The following DAP variants were observed in gnomAD, a reference collection of about 807,000 sequenced individuals.
DAP encodes the protein death associated protein.
A neutral mutation model predicts 13.8 loss-of-function variants in DAP; 8 were observed. That is an observed-to-expected ratio of 0.58 (90% CI 0.34 to 1.05). The LOEUF is 1.05. Ranked by LOEUF, DAP falls within the 50% of genes least tolerant of loss-of-function variation. The pLI is 0.03. For missense variants in DAP, 106 were observed against 133.2 expected, an observed-to-expected ratio of 0.80 and a Z score of 1.01; for synonymous variants, 47 against 47.5, an observed-to-expected ratio of 0.99 and a Z score of 0.04.
intron 2 of DAP, among the ~76,000 whole-genome samples, chr5:10,705,464 G>A (rs1211351338): frequency 6.6e-6 from 1 of 152,246 alleles, no homozygotes; most frequent in African/African-American, 2.4e-5. Context: ...CTGTGTGGCA[G>A]AAGCCTGGGC....
chr5:10,687,262 T>G (rs1024742909), intron 2 of DAP, among the ~76,000 whole-genome samples: 8 of 152,254 alleles, frequency 5.3e-5, no homozygotes, highest in Non-Finnish European at 1.0e-4. Context: ...TAAAACAACA[T>G]TCATTCTGCA....
chr5:10,686,664 GAAGAA>G lies in DAP; in HGVS notation c.153-3098_153-3094del, dbSNP rs906458158. On this transcript the variant is annotated intron_variant, in intron 2 of 3. Transcript: ENST00000230895. ...GGCTAAGAGAGGTGAGGAAGCTGCA[GAAGAA>G]AAGATGGAAACTAGCAGAGGTTGGT... Among the ~76,000 whole-genome samples the G allele has an allele frequency of 2.2e-4, 33 of 152,336 alleles. No individual in the cohort carries two copies. The East Asian group carries it at 6.0e-3, about 28-fold the overall frequency.
chr5:10,705,736 A>G (rs914573026), intron 2 of DAP, among the ~76,000 whole-genome samples: 1 of 152,196 alleles, frequency 6.6e-6, no homozygotes, highest in Non-Finnish European at 1.5e-5. Context: ...GCAGATTTAA[A>G]TGTAAGGTGC....
chr5:10,722,638 A>G (rs934338597), intron 2 of DAP, among the ~76,000 whole-genome samples: 1 of 144,246 alleles, frequency 6.9e-6, no homozygotes, highest in East Asian at 1.9e-4. Flanking sequence ...ATATATATAC[A>G]TATATATATA....
At chr5:10,686,161 TAATC>T (rs753908386) in intron 2 of DAP, among the ~76,000 whole-genome samples, 46 of 152,370 alleles carry the variant, frequency 3.0e-4, no homozygotes, top group South Asian at 2.7e-3. Context: ...ATGGTAAACT[TAATC>T]AATACTTGTC....
chr5:10,697,659 G>A (rs922214257), intron 2 of DAP, among the ~76,000 whole-genome samples: 2 of 152,100 alleles, frequency 1.3e-5, no homozygotes, highest in Non-Finnish European at 2.9e-5. Context: ...AACTATGGTG[G>A]CTCTAAAAAG....
intron 2 of DAP, among the ~76,000 whole-genome samples, chr5:10,740,568 A>G (rs1579816272): frequency 2.0e-5 from 3 of 152,366 alleles, no homozygotes; most frequent in Admixed American, 2.0e-4. Context: ...ACATACAGAG[A>G]AAAATGACAA....
intron 2 of DAP, among the ~76,000 whole-genome samples, chr5:10,685,340 C>T (rs2126634815): frequency 1.2e-5 from 1 of 83,644 alleles, no homozygotes; most frequent in South Asian, 5.3e-4. Flanking sequence ...TGAGTAAGCT[C>T]AGCTCAAGTT....
intron 2 of DAP, among the ~76,000 whole-genome samples, chr5:10,693,791 T>C (rs62337570): frequency 0.048 from 7,306 of 152,288 alleles, 225 homozygotes; most frequent in South Asian, 0.08. Flanking sequence ...GAGGGTCCTT[T>C]ATTCAACCAG....
At chr5:10,732,922 G>C (rs1200148072) in intron 2 of DAP, among the ~76,000 whole-genome samples, 1 of 152,138 alleles carries the variant, frequency 6.6e-6, no homozygotes, top group African/African-American at 2.4e-5. Context: ...TTGCAAATCT[G>C]ATACTCTGTA....
chr5:10,727,547 T>C (rs1164768734), intron 2 of DAP, among the ~76,000 whole-genome samples: 1 of 151,978 alleles, frequency 6.6e-6, no homozygotes, highest in African/African-American at 2.4e-5. Context: ...ATTCTGAGGG[T>C]TTAGATGGGG....
chr5:10,737,059 A>C (rs978438033), intron 2 of DAP, among the ~76,000 whole-genome samples: 1 of 152,254 alleles, frequency 6.6e-6, no homozygotes, highest in East Asian at 1.9e-4. Flanking sequence ...ACAATATTGG[A>C]GCTGAGCCAG....
At chr5:10,715,719 G>GCCA (rs1738967644) in intron 2 of DAP, among the ~76,000 whole-genome samples, 1 of 152,232 alleles carries the variant, frequency 6.6e-6, no homozygotes, top group Admixed American at 6.5e-5. Flanking sequence ...GTCTTCCGAT[G>GCCA]CCACGGAGAG....
intron 2 of DAP, 74 bp downstream of exon 2, chr5:10,748,101 A>G: frequency 9.5e-7 from 1 of 1,055,606 alleles, no homozygotes; most frequent in South Asian, 1.3e-5. Context: ...ATCATAGAAC[A>G]GAGAACAAAT....
chr5:10,754,137 T>C (rs1198295275), intron 1 of DAP, among the ~76,000 whole-genome samples: 2 of 152,302 alleles, frequency 1.3e-5, no homozygotes, highest in African/African-American at 2.4e-5. Flanking sequence ...CTCACATCTA[T>C]GGAAGCCCAT....
chr5:10,727,697 C>T (rs2126663837), intron 2 of DAP, among the ~76,000 whole-genome samples: 1 of 152,288 alleles, frequency 6.6e-6, no homozygotes, highest in Non-Finnish European at 1.5e-5. Flanking sequence ...TGTATGTAGG[C>T]AATCTGCTAT....
intron 2 of DAP, among the ~76,000 whole-genome samples, chr5:10,743,158 C>T (rs1324653312): frequency 6.6e-6 from 1 of 152,236 alleles, no homozygotes; most frequent in East Asian, 1.9e-4. Context: ...TGTTTACTAA[C>T]TGAAGTACAC....
At chr5:10,746,539 A>AGGCT (rs996020014) in intron 2 of DAP, among the ~76,000 whole-genome samples, 4 of 152,042 alleles carry the variant, frequency 2.6e-5, no homozygotes, top group African/African-American at 9.7e-5. Flanking sequence ...CATGTTGGCC[A>AGGCT]GGCTGGTCTC....
chr5:10,754,312 A>G (rs964232446), intron 1 of DAP, among the ~76,000 whole-genome samples: 23 of 152,172 alleles, frequency 1.5e-4, no homozygotes, highest in African/African-American at 5.3e-4. Flanking sequence ...CCCTTACAGG[A>G]GCTTTCAGGT....
Sources: gnomAD v4.1 joint callset for allele counts (sites outside exome capture counted in the v4.1 genomes callset) on GRCh38, gnomAD v4.1.1 for gene constraint, MANE v1.5 for transcripts, NCBI Gene and HGNC (gene_info 2026-07-23, HGNC 2026-07-21) for gene names.